CDK14: variants seen among roughly 807,000 people sequenced by gnomAD.
CDK14 encodes cyclin dependent kinase 14.
In CDK14, 34 loss-of-function variants were observed where a neutral mutation model predicts 60.7. That is an observed-to-expected ratio of 0.56 (90% CI 0.43 to 0.75). CDK14 has a LOEUF of 0.75. Ranked by LOEUF, CDK14 falls within the 30% of genes least tolerant of loss-of-function variation. CDK14 has a pLI of 0.00. For missense variants in CDK14, 482 were observed against 564.1 expected (o/e 0.85, Z 1.47); for synonymous variants, 197 against 203.7 (o/e 0.97, Z 0.28).
intron 3 of CDK14, among the ~76,000 whole-genome samples, chr7:90,729,349 T>TTTTG (rs1802765094): frequency 8.3e-6 from 1 of 119,974 alleles, no homozygotes; most frequent in Non-Finnish European, 1.7e-5. Context: ...TCAAGGTTTT[T>TTTTG]TTTTTTTTTT....
At position 90,927,413 on chromosome 7, in the gene CDK14, T is replaced by C. The variant is rs189169331; in HGVS notation, c.826+9689T>C. Reference sequence around the variant, plus strand: ...AATATTATAACAAAAGATGCTCTTATCACCCCTGTTACTCAGAAAATTATA... The same window carrying C: ...AATATTATAACAAAAGATGCTCTTACCACCCCTGTTACTCAGAAAATTATA... On this transcript the variant is annotated intron_variant, in intron 8 of 14. Coordinates refer to ENST00000380050, the MANE Select transcript of CDK14 (RefSeq NM_001287135.2). Among the ~76,000 whole-genome samples, 6 of 152,298 alleles carry C rather than the reference T, an allele frequency of 3.9e-5. No homozygotes were observed. In the East Asian group the frequency reaches 9.7e-4, roughly 25 times the overall value.
intron 2 of CDK14, among the ~76,000 whole-genome samples, chr7:90,668,696 ATTCTTTT>A (rs1563037895): frequency 1.5e-5 from 1 of 68,450 alleles, no homozygotes; most frequent in East Asian, 5.0e-4. Flanking sequence ...AAGGACTCGC[ATTCTTTT>A]TTTTTTTTTT....
chr7:91,033,741 C>G (rs1299613983), intron 10 of CDK14, among the ~76,000 whole-genome samples: 1 of 152,214 alleles, frequency 6.6e-6, no homozygotes, highest in East Asian at 1.9e-4. Flanking sequence ...CCTCCAGCCT[C>G]TGCAGCTTCC....
intron 5 of CDK14, among the ~76,000 whole-genome samples, chr7:90,797,749 G>A (rs187941852): frequency 6.6e-6 from 1 of 152,008 alleles, no homozygotes; most frequent in Non-Finnish European, 1.5e-5. Flanking sequence ...TGAAGCAGGA[G>A]GAATAGAGAG....
At chr7:90,600,046 C>T (rs930616606) in intron 1 of CDK14, among the ~76,000 whole-genome samples, 1 of 152,206 alleles carries the variant, frequency 6.6e-6, no homozygotes, top group Non-Finnish European at 1.5e-5. Flanking sequence ...ACATGGCTTT[C>T]AAGCCATAGT....
chr7:90,623,091 A>T (rs531717555), intron 2 of CDK14, among the ~76,000 whole-genome samples: 229 of 151,356 alleles, frequency 1.5e-3, no homozygotes, highest in African/African-American at 5.2e-3. Context: ...ATATATTTTT[A>T]AAAATTCTTT....
intron 2 of CDK14, among the ~76,000 whole-genome samples, chr7:90,698,092 A>G (rs1359915831): frequency 1.3e-5 from 2 of 150,800 alleles, no homozygotes; most frequent in Admixed American, 6.6e-5. Context: ...AAAAAAAAGA[A>G]AAAGAAAAAA....
At chr7:90,740,821 C>T (rs142975822) in intron 3 of CDK14, among the ~76,000 whole-genome samples, 146 of 152,226 alleles carry the variant, frequency 9.6e-4, no homozygotes, top group African/African-American at 3.2e-3. Context: ...GTTTTGTTTT[C>T]GCATACTGAG....
At chr7:90,782,717 A>T (rs17472856) in intron 4 of CDK14, among the ~76,000 whole-genome samples, 12,391 of 152,238 alleles carry the variant, frequency 0.081, 651 homozygotes, top group Middle Eastern at 0.2. Flanking sequence ...AATTTCATTA[A>T]GTGAAAGGCT....
chr7:91,161,384 C>A (rs1169636921), intron 14 of CDK14, among the ~76,000 whole-genome samples: 1 of 152,138 alleles, frequency 6.6e-6, no homozygotes, highest in Non-Finnish European at 1.5e-5. Context: ...AAGACATTTT[C>A]TGTATAATTC....
chr7:90,907,048 C>G (rs1792731796), intron 7 of CDK14, among the ~76,000 whole-genome samples: 1 of 151,878 alleles, frequency 6.6e-6, no homozygotes, highest in Non-Finnish European at 1.5e-5. Context: ...CAATTTTTGA[C>G]AAAGTAATTT....
chr7:91,174,149 C>T lies in CDK14; in HGVS notation c.*29-33016C>T, dbSNP rs1197812036. ...TGCCTCCTCAAGTGGGTCCCTGACC[C>T]CTGACCCCTGAGCAGCCTAACTGGG... On this transcript the variant is annotated intron_variant, in intron 14 of 14. Coordinates refer to ENST00000380050, the MANE Select transcript of CDK14 (RefSeq NM_001287135.2). Among the ~76,000 whole-genome samples, 23 of 152,146 alleles carry T rather than the reference C, an allele frequency of 1.5e-4. No homozygotes were observed. In the South Asian group the frequency reaches 4.2e-3, roughly 28 times the overall value.
At chr7:91,162,206 A>C (rs1437570739) in intron 14 of CDK14, among the ~76,000 whole-genome samples, 1 of 152,254 alleles carries the variant, frequency 6.6e-6, no homozygotes, top group Non-Finnish European at 1.5e-5. Context: ...AGATTACATA[A>C]GGATTCTGAC....
chr7:90,763,077 G>A (rs1418359154), intron 4 of CDK14, among the ~76,000 whole-genome samples: 1 of 152,162 alleles, frequency 6.6e-6, no homozygotes, highest in East Asian at 1.9e-4. Context: ...GGCATTACAT[G>A]ATGATAAAGA....
chr7:90,623,221 C>G (rs889948831), intron 2 of CDK14, among the ~76,000 whole-genome samples: 2 of 152,084 alleles, frequency 1.3e-5, no homozygotes, highest in East Asian at 3.9e-4. Flanking sequence ...CTGCACAGTG[C>G]AGGATGTCAA....
At chr7:90,676,527 AT>A (rs60056655) in intron 2 of CDK14, among the ~76,000 whole-genome samples, 10,840 of 139,212 alleles carry the variant, frequency 0.078, 313 homozygotes, top group Middle Eastern at 0.11. Context: ...TAGATGTTTC[AT>A]TTTTTTTTTT....
chr7:90,955,447 T>C (rs1043181634), intron 8 of CDK14, among the ~76,000 whole-genome samples: 2 of 152,198 alleles, frequency 1.3e-5, no homozygotes, highest in Admixed American at 1.3e-4. Flanking sequence ...TTGTTTACTC[T>C]GCTGATATTT....
chr7:90,931,113 A>G lies in CDK14; in HGVS notation c.826+13389A>G, dbSNP rs1204830896. On this transcript the variant is annotated intron_variant, in intron 8 of 14. Transcript: ENST00000380050. ...TCTAGCACTGTATCAAAGAATAGCTATAAATGAGCTCCTTGATCTCCCTCA... is the reference window on the plus strand; with the variant it reads ...TCTAGCACTGTATCAAAGAATAGCTGTAAATGAGCTCCTTGATCTCCCTCA... Among the ~76,000 whole-genome samples, 4 of 152,342 alleles carry G rather than the reference A, an allele frequency of 2.6e-5. No individual in the cohort carries two copies. The East Asian group carries it at 5.8e-4, about 22-fold the overall frequency.
intron 4 of CDK14, among the ~76,000 whole-genome samples, chr7:90,772,889 A>C (rs538286406): frequency 6.6e-5 from 10 of 152,302 alleles, no homozygotes; most frequent in African/African-American, 2.4e-4. Flanking sequence ...TTCTTGGGAA[A>C]AATTTACATA....
Sources: allele counts gnomAD v4.1 joint callset (sites outside exome capture counted in the v4.1 genomes callset), GRCh38; gene constraint gnomAD v4.1.1; transcripts MANE v1.5; gene names NCBI Gene and HGNC (gene_info 2026-07-23, HGNC 2026-07-21).